The following ENTPD7 variants were observed in gnomAD, a reference collection of about 807,000 sequenced individuals.
The protein encoded by ENTPD7 is NTPDase 7.
ENTPD7 carries 53 observed loss-of-function variants against 77.9 expected under a neutral mutation model. That is an observed-to-expected ratio of 0.68 (90% CI 0.55 to 0.85). ENTPD7 has a LOEUF of 0.85. ENTPD7 is among the 40% of genes least tolerant of loss of function. The pLI is 0.00. For missense variants in ENTPD7, 636 were observed against 743.7 expected, an observed-to-expected ratio of 0.86 and a Z score of 1.68; for synonymous variants, 248 against 274.9, an observed-to-expected ratio of 0.90 and a Z score of 0.97.
At chr10:99,693,433 C>T (rs2035915846) in intron 8 of ENTPD7, among the ~76,000 whole-genome samples, 1 of 152,128 alleles carries the variant, frequency 6.6e-6, no homozygotes, top group South Asian at 2.1e-4. Context: ...ACTTTTTAGT[C>T]TATATTCGTT....
At chr10:99,668,913 C>A (rs2035584670) in intron 3 of ENTPD7, among the ~76,000 whole-genome samples, 1 of 151,978 alleles carries the variant, frequency 6.6e-6, no homozygotes, top group African/African-American at 2.4e-5. Flanking sequence ...TTGTGGTGTC[C>A]CTCAGAAAGT....
intron 3 of ENTPD7, among the ~76,000 whole-genome samples, chr10:99,668,202 T>TG (rs1256774897): frequency 6.6e-6 from 1 of 152,168 alleles, no homozygotes; most frequent in African/African-American, 2.4e-5. Flanking sequence ...CTCAAAGTGC[T>TG]GGGATTACAG....
chr10:99,698,778 T>C lies in ENTPD7; in HGVS notation c.1255T>C (p.Ser419Pro). ...DFNNSEFYGF[S>P]EFFYCTEDVL... ...CAACAACAGCGAGTTCTACGGCTTCTCTGAGTTTTTTTATTGTACAGAGGA... is the reference window on the plus strand; with the variant it reads ...CAACAACAGCGAGTTCTACGGCTTCCCTGAGTTTTTTTATTGTACAGAGGA... Residue 419 changes from serine to proline, a missense_variant, in exon 10 of 13, where the codon TCT becomes CCT. Physicochemically the swap from Ser to Pro is moderately conservative, Grantham distance 74 (BLOSUM62 -1). Around this residue, in one of 3 missense-constraint regions of ENTPD7, gnomAD observed 486 missense variants for 556.5 expected, o/e 0.87. Transcript: ENST00000370489. The C allele has an allele frequency of 6.2e-7, 1 of 1,614,218 alleles. No homozygotes were observed. The highest frequency in any genetic ancestry group is 1.1e-5 in the South Asian group (1 of 91,084).
At chr10:99,696,734 A>G (rs1241092541) in intron 9 of ENTPD7, among the ~76,000 whole-genome samples, 1 of 152,198 alleles carries the variant, frequency 6.6e-6, no homozygotes, top group Non-Finnish European at 1.5e-5. Flanking sequence ...TTAAGTCTGT[A>G]AAATTATTTA....
chr10:99,700,939 T>C, intron 10 of ENTPD7, 34 bp from the exon 11 acceptor site: 1 of 1,580,402 alleles, frequency 6.3e-7, no homozygotes, highest in Non-Finnish European at 8.7e-7. Flanking sequence ...TGCCTCCAAA[T>C]TCATGTTGCA....
At position 99,659,523 on chromosome 10, in the gene ENTPD7, G is replaced by C. The variant is rs2035447558; in HGVS notation, c.-161G>C. ...GGGCCCTCCTTCCGGCTGGGCAAGGGGCCGCGGGGAGCAGCTCGGGACTGA... is the reference window on the plus strand; with the variant it reads ...GGGCCCTCCTTCCGGCTGGGCAAGGCGCCGCGGGGAGCAGCTCGGGACTGA... On this transcript the variant is annotated 5_prime_UTR_variant, in exon 1 of 13. Transcript: ENST00000370489. This position sits in a 1 kb window ranked among gnomAD's most constrained non-coding sequence, Gnocchi z 4.1. 6.4e-6 allele frequency: 1 copy of C among 155,436 alleles called. No homozygotes were observed. Among genetic ancestry groups the C allele is most frequent in the Admixed American group, 6.5e-5 (1 of 15,366 alleles). The allele number at this position is 155,436 out of a possible 1,614,324, so 9.6% of individuals were successfully genotyped here.
chr10:99,708,570 G>C lies in ENTPD7; in HGVS notation c.*3887G>C, dbSNP rs1055768290. Among the ~76,000 whole-genome samples, 2 of 152,154 alleles carry C rather than the reference G, an allele frequency of 1.3e-5. No individual in the cohort carries two copies. The highest frequency in any genetic ancestry group is 2.9e-5 in the Non-Finnish European group (2 of 68,026). Reference sequence around the variant, plus strand: ...TTAGAAACTAAAGGCAGAAGACAAGGTAGAAAAATCATATGATTTTGGGAA... The same window carrying C: ...TTAGAAACTAAAGGCAGAAGACAAGCTAGAAAAATCATATGATTTTGGGAA... On this transcript the variant is annotated 3_prime_UTR_variant, in exon 13 of 13. Coordinates refer to ENST00000370489, the MANE Select transcript of ENTPD7 (RefSeq NM_020354.5).
In ENTPD7 at chr10:99,702,524, TA is replaced by T; in HGVS notation, c.1437del (p.Lys479AsnfsTer119). On this transcript the variant is annotated frameshift_variant, in exon 12 of 13. Coordinates refer to ENST00000370489, the MANE Select transcript of ENTPD7 (RefSeq NM_020354.5). LOFTEE classifies it high-confidence loss of function. Reference sequence around the variant, plus strand: ...TTTTGTCACACAGATATCAGTGTTTTAAATCGGCTTGGATGTACCAAGTCTT... The same window carrying T: ...TTTTGTCACACAGATATCAGTGTTTTAATCGGCTTGGATGTACCAAGTCTT... The part of the protein sequence containing the change: ...DEHRLKYQCF[K>X]SAWMYQVLHE... The T allele has an allele frequency of 6.3e-7, 1 of 1,576,780 alleles. No homozygotes were observed. The highest frequency in any genetic ancestry group is 2.3e-5 in the East Asian group (1 of 43,612).
At chr10:99,665,212 C>T (rs977907289) in intron 3 of ENTPD7, among the ~76,000 whole-genome samples, 1 of 149,172 alleles carries the variant, frequency 6.7e-6, no homozygotes, top group African/African-American at 2.5e-5. Context: ...GGGATCACGC[C>T]ATTGTACTCC....
intron 3 of ENTPD7, among the ~76,000 whole-genome samples, chr10:99,668,924 G>A (rs1237582561): frequency 1.3e-5 from 2 of 152,022 alleles, no homozygotes; most frequent in African/African-American, 4.8e-5. Flanking sequence ...CTCAGAAAGT[G>A]TGCTGTCTTC....
At chr10:99,690,473 G>A (rs1349759699) in intron 7 of ENTPD7, among the ~76,000 whole-genome samples, 2 of 151,286 alleles carry the variant, frequency 1.3e-5, no homozygotes, top group Non-Finnish European at 2.9e-5. Flanking sequence ...TTTTTGTTCT[G>A]TTATGCTGAA....
At position 99,709,611 on chromosome 10, in the gene ENTPD7, C is replaced by T. The variant is rs754320827; in HGVS notation, c.*4928C>T. 17 of 985,262 alleles carry T rather than the reference C, an allele frequency of 1.7e-5. No individual in the cohort carries two copies. The highest frequency in any genetic ancestry group is 2.0e-5 in the Non-Finnish European group (17 of 829,930). The allele number at this position is 985,262 out of a possible 1,614,324, so 61.0% of individuals were successfully genotyped here. ...AAATTGAAAACTTTTAGGTTGTGTTCTTGGCTCATTCTCTCATAACCTGGA... is the reference window on the plus strand; with the variant it reads ...AAATTGAAAACTTTTAGGTTGTGTTTTTGGCTCATTCTCTCATAACCTGGA... On this transcript the variant is annotated 3_prime_UTR_variant, in exon 13 of 13. Transcript: ENST00000370489.
Position 99,709,922 on chromosome 10 carries a change from T to C in ENTPD7, c.*5239T>C. On this transcript the variant is annotated 3_prime_UTR_variant, in exon 13 of 13. Coordinates refer to ENST00000370489, the MANE Select transcript of ENTPD7 (RefSeq NM_020354.5). ...AGCAATACGGAGATCCTTTTATTAG[T>C]AAAACTGAATCATTACTCATACTAC... 1 of 985,444 alleles carries C rather than the reference T, an allele frequency of 1.0e-6. No homozygotes were observed. Among genetic ancestry groups the C allele is most frequent in the Non-Finnish European group, 1.2e-6 (1 of 829,902 alleles). The allele number at this position is 985,444 out of a possible 1,614,324, so 61.0% of individuals were successfully genotyped here.
intron 3 of ENTPD7, among the ~76,000 whole-genome samples, chr10:99,667,194 T>C (rs2035560865): frequency 6.6e-6 from 1 of 152,232 alleles, no homozygotes; most frequent in Non-Finnish European, 1.5e-5. Context: ...GGCTCAGAGC[T>C]CATTGTTACT....
chr10:99,697,608 T>C (rs2036011506), intron 9 of ENTPD7: 1 of 154,980 alleles, frequency 6.5e-6, no homozygotes, highest in Non-Finnish European at 1.4e-5. Context: ...AAAATGATCA[T>C]TGTCTCTTCT....
At chr10:99,661,316 CAAG>C (rs2035483437) in intron 2 of ENTPD7, 127 bp from the exon 3 acceptor site, 2 of 715,368 alleles carry the variant, frequency 2.8e-6, no homozygotes, top group African/African-American at 1.8e-5. Flanking sequence ...TTAGAGATGA[CAAG>C]AACATTTAGA....
intron 5 of ENTPD7, among the ~76,000 whole-genome samples, chr10:99,683,966 A>G (rs929235788): frequency 6.6e-6 from 1 of 152,226 alleles, no homozygotes; most frequent in African/African-American, 2.4e-5. Flanking sequence ...TTAATTTCTA[A>G]AAGTATAACA....
intron 3 of ENTPD7, among the ~76,000 whole-genome samples, chr10:99,675,512 T>C (rs2035669265): frequency 6.9e-6 from 1 of 144,090 alleles, no homozygotes; most frequent in East Asian, 2.0e-4. Context: ...TGAAAAGTTT[T>C]TAGATAGGGT....
intron 3 of ENTPD7, among the ~76,000 whole-genome samples, chr10:99,670,821 C>G (rs2035611192): frequency 6.6e-6 from 1 of 151,920 alleles, no homozygotes; most frequent in African/African-American, 2.4e-5. Context: ...TCCAGACCAG[C>G]CTAGGTAATA....
Sources: allele counts gnomAD v4.1 joint callset (sites outside exome capture counted in the v4.1 genomes callset), GRCh38; gene constraint gnomAD v4.1.1; regional missense constraint gnomAD v4.1.1; non-coding constraint Gnocchi (gnomAD v3.1); transcripts MANE v1.5; gene names NCBI Gene and HGNC (gene_info 2026-07-23, HGNC 2026-07-21).